Variants in TDRD3 observed in about 807,000 individuals in gnomAD.
The protein encoded by TDRD3 is tudor domain containing 3.
A neutral mutation model predicts 86.7 loss-of-function variants in TDRD3; 45 were observed. That is an observed-to-expected ratio of 0.52 (90% CI 0.41 to 0.67). The LOEUF (loss-of-function observed/expected upper bound fraction) is 0.67, where lower values mean the gene tolerates loss of function less well. Ranked by LOEUF, TDRD3 falls within the 30% of genes least tolerant of loss-of-function variation. The pLI, the probability that TDRD3 is intolerant of heterozygous loss-of-function variation, is 0.00. For missense variants in TDRD3, 814 were observed against 889.0 expected, an observed-to-expected ratio of 0.92 and a Z score of 1.07; for synonymous variants, 298 against 301.7, an observed-to-expected ratio of 0.99 and a Z score of 0.13.
At chr13:60,564,915 A>G (rs960231450) in intron 12 of TDRD3, among the ~76,000 whole-genome samples, 4 of 152,180 alleles carry the variant, frequency 2.6e-5, no homozygotes, top group African/African-American at 2.4e-5. Flanking sequence ...GCCATATACT[A>G]TAAGAAGTGA....
chr13:60,399,464 C>T (rs927424912), intron 1 of TDRD3, among the ~76,000 whole-genome samples: 1 of 152,170 alleles, frequency 6.6e-6, no homozygotes, highest in African/African-American at 2.4e-5. Context: ...TGCTAGGTCT[C>T]GAACAGACTA....
chr13:60,524,827 A>T lies in TDRD3; in HGVS notation c.1142-3540A>T, dbSNP rs1015280400. ...AAAAACACAATTTTCGGCCAGGCGC[A>T]GTGGCTCACACCTGTAATCCGAGCA... On this transcript the variant is annotated intron_variant, in intron 10 of 13. Transcript: ENST00000377881. Among the ~76,000 whole-genome samples the T allele has an allele frequency of 5.4e-4, 82 of 151,820 alleles. 1 individual carries two copies. The highest frequency in any genetic ancestry group is 5.4e-3 in the Admixed American group (82 of 15,244).
At chr13:60,414,873 A>G (rs1954457472) in intron 1 of TDRD3, among the ~76,000 whole-genome samples, 1 of 152,108 alleles carries the variant, frequency 6.6e-6, no homozygotes, top group Admixed American at 6.6e-5. Context: ...GAATACCTAG[A>G]CAACAGACAG....
At chr13:60,543,910 C>T (rs1286259442) in intron 12 of TDRD3, among the ~76,000 whole-genome samples, 5 of 149,674 alleles carry the variant, frequency 3.3e-5, no homozygotes, top group African/African-American at 1.2e-4. Context: ...TATGTATTAA[C>T]TTTCAGAAAT....
At chr13:60,513,185 C>T (rs1010996922) in intron 10 of TDRD3, among the ~76,000 whole-genome samples, 12 of 152,190 alleles carry the variant, frequency 7.9e-5, no homozygotes, top group African/African-American at 2.9e-4. Context: ...CAGTCACGGC[C>T]CCAGCTCTAC....
intron 1 of TDRD3, among the ~76,000 whole-genome samples, chr13:60,430,184 A>G (rs1204768986): frequency 4.6e-5 from 7 of 152,178 alleles, no homozygotes; most frequent in Non-Finnish European, 1.0e-4. Context: ...CCAGCTACTC[A>G]TGAAAATGCC....
intron 12 of TDRD3, among the ~76,000 whole-genome samples, chr13:60,548,013 T>A (rs1368849939): frequency 6.6e-6 from 1 of 152,176 alleles, no homozygotes; most frequent in Non-Finnish European, 1.5e-5. Context: ...TTAGTAAGGT[T>A]GACTGGGAAA....
Position 60,525,101 on chromosome 13 carries a change from A to C in TDRD3, c.1142-3266A>C, listed in dbSNP as rs1437373195. ...AATTTTCTCTCAAAAAAAAAAAAAA[A>C]AAAAAAAACCCCACAATTTTCACTT... On this transcript the variant is annotated intron_variant, in intron 10 of 13. Coordinates refer to ENST00000377881, the MANE Select transcript of TDRD3 (RefSeq NM_001146070.2). Among the ~76,000 whole-genome samples, 34 of 149,506 alleles carry C rather than the reference A, an allele frequency of 2.3e-4. 1 individual carries two copies. The highest frequency in any genetic ancestry group is 8.3e-4 in the African/African-American group (34 of 40,966).
intron 12 of TDRD3, among the ~76,000 whole-genome samples, chr13:60,562,603 A>C (rs1178949251): frequency 1.3e-5 from 2 of 152,212 alleles, no homozygotes; most frequent in Admixed American, 6.5e-5. Context: ...TTCATGTATG[A>C]ATCACTGAAG....
At chr13:60,399,552 TCACAAAGGTTTAAAGG>T (rs900044579) in intron 1 of TDRD3, among the ~76,000 whole-genome samples, 7 of 152,300 alleles carry the variant, frequency 4.6e-5, no homozygotes, top group African/African-American at 1.4e-4. Flanking sequence ...AAATTTAGAA[TCACAAAGGTTTAAAGG>T]CAGAAAAGAG....
chr13:60,439,874 C>T (rs1955214881), intron 2 of TDRD3, 102 bp downstream of exon 2: 1 of 670,900 alleles, frequency 1.5e-6, no homozygotes, highest in East Asian at 3.1e-5. Flanking sequence ...ATATAGAGAA[C>T]ATCTTTCTTA....
Position 60,475,758 on chromosome 13 carries a change from A to T in TDRD3, c.496-8017A>T, listed in dbSNP as rs1956171920. Among the ~76,000 whole-genome samples, 3 of 152,202 alleles carry T rather than the reference A, an allele frequency of 2.0e-5. No homozygotes were observed. In the South Asian group the frequency reaches 6.2e-4, roughly 32 times the overall value. On this transcript the variant is annotated intron_variant, in intron 5 of 13. Coordinates refer to ENST00000377881, the MANE Select transcript of TDRD3 (RefSeq NM_001146070.2). ...CCATTCTGTTATGAGATGGTATCAC[A>T]TTGTGGTTTTGATTTACATTTCTCT...
chr13:60,462,265 G>T (rs1955818890), intron 4 of TDRD3, among the ~76,000 whole-genome samples: 1 of 152,168 alleles, frequency 6.6e-6, no homozygotes, highest in Non-Finnish European at 1.5e-5. Flanking sequence ...CTCATTCTCT[G>T]ATTTTATGGC....
At chr13:60,420,009 G>C (rs1415880297) in intron 1 of TDRD3, among the ~76,000 whole-genome samples, 1 of 151,588 alleles carries the variant, frequency 6.6e-6, no homozygotes, top group African/African-American at 2.4e-5. Flanking sequence ...TATAATTATT[G>C]TGGTTATGTG....
At chr13:60,430,582 CTTCA>C (rs1954929403) in intron 1 of TDRD3, among the ~76,000 whole-genome samples, 1 of 151,970 alleles carries the variant, frequency 6.6e-6, no homozygotes, top group Non-Finnish European at 1.5e-5. Context: ...ATATCTAGGC[CTTCA>C]TTTTATACTT....
chr13:60,504,650 G>A (rs976757262), intron 8 of TDRD3, among the ~76,000 whole-genome samples: 1 of 152,284 alleles, frequency 6.6e-6, no homozygotes, highest in Non-Finnish European at 1.5e-5. Context: ...TGGCTGGCAA[G>A]ATGGCTGAAT....
chr13:60,540,901 C>T (rs1439919696), intron 12 of TDRD3, among the ~76,000 whole-genome samples: 2 of 152,052 alleles, frequency 1.3e-5, no homozygotes, highest in Admixed American at 1.3e-4. Flanking sequence ...AGTGAAATAA[C>T]ATGACACGAT....
intron 3 of TDRD3, among the ~76,000 whole-genome samples, chr13:60,445,853 C>G (rs56398557): frequency 1.3e-5 from 2 of 152,122 alleles, no homozygotes; most frequent in African/African-American, 4.8e-5. Flanking sequence ...TCTGCTTTCT[C>G]TGTGTGTCCT....
intron 11 of TDRD3, among the ~76,000 whole-genome samples, chr13:60,534,609 T>C (rs779698546): frequency 6.6e-5 from 10 of 152,018 alleles, no homozygotes; most frequent in Non-Finnish European, 1.2e-4. Flanking sequence ...AATTACTCTA[T>C]AGTTATATAT....
Sources: gnomAD v4.1 joint callset for allele counts (sites outside exome capture counted in the v4.1 genomes callset) on GRCh38, gnomAD v4.1.1 for gene constraint, MANE v1.5 for transcripts, NCBI Gene and HGNC (gene_info 2026-07-23, HGNC 2026-07-21) for gene names.